CLSTN2: variants seen among roughly 807,000 people sequenced by gnomAD.
CLSTN2 encodes the protein calsyntenin 2, also known as calsyntenin-2.
CLSTN2 carries 48 observed loss-of-function variants against 101.2 expected under a neutral mutation model. The ratio of observed to expected loss-of-function variants is 0.47; its 90% CI spans 0.38 to 0.60. The LOEUF (loss-of-function observed/expected upper bound fraction) is 0.60, where lower values mean the gene tolerates loss of function less well. Ranked by LOEUF, CLSTN2 falls within the 20% of genes least tolerant of loss-of-function variation. The probability of loss-of-function intolerance (pLI) is 0.00; values close to 1 mark genes in which losing one functional copy is unlikely to be tolerated. For synonymous variants in CLSTN2, 481 were observed against 463.6 expected, an observed-to-expected ratio of 1.04 and a Z score of -0.48; for missense variants, 1,160 against 1,238.2, an observed-to-expected ratio of 0.94 and a Z score of 0.95.
chr3:140,182,089 A>G (rs1278272615), intron 2 of CLSTN2, among the ~76,000 whole-genome samples: 1 of 152,208 alleles, frequency 6.6e-6, no homozygotes, highest in Admixed American at 6.5e-5. Flanking sequence ...CATCTTCAAT[A>G]CCACTCAAAT....
intron 1 of CLSTN2, among the ~76,000 whole-genome samples, chr3:140,076,698 A>G (rs1270539706): frequency 8.4e-6 from 1 of 119,634 alleles, no homozygotes; most frequent in Non-Finnish European, 1.6e-5. Flanking sequence ...TTCCCTGGCC[A>G]CCCTGGGTCA....
chr3:140,056,540 T>C (rs2008099686), intron 1 of CLSTN2, among the ~76,000 whole-genome samples: 1 of 152,162 alleles, frequency 6.6e-6, no homozygotes. Context: ...GCCTGGCTTA[T>C]GGAACACGTG....
At chr3:140,324,688 T>G (rs2087314725) in intron 2 of CLSTN2, among the ~76,000 whole-genome samples, 1 of 152,246 alleles carries the variant, frequency 6.6e-6, no homozygotes, top group Admixed American at 6.5e-5. Context: ...GAGAATGCCC[T>G]CTTGACATGA....
chr3:140,289,499 C>T (rs2086929487), intron 2 of CLSTN2, among the ~76,000 whole-genome samples: 1 of 152,148 alleles, frequency 6.6e-6, no homozygotes, highest in Non-Finnish European at 1.5e-5. Flanking sequence ...AGAGTAGGAA[C>T]AGCACCATAG....
intron 1 of CLSTN2, among the ~76,000 whole-genome samples, chr3:139,976,097 A>T (rs1226943309): frequency 6.6e-6 from 1 of 152,218 alleles, no homozygotes; most frequent in East Asian, 1.9e-4. Context: ...GAACATTGAC[A>T]TTTCAGAATC....
intron 1 of CLSTN2, among the ~76,000 whole-genome samples, chr3:140,101,098 G>A (rs2008958359): frequency 6.6e-6 from 1 of 152,150 alleles, no homozygotes; most frequent in Non-Finnish European, 1.5e-5. Flanking sequence ...TTGGTTACAT[G>A]TCCTTTAACT....
intron 1 of CLSTN2, among the ~76,000 whole-genome samples, chr3:140,014,237 A>G (rs1196439616): frequency 3.3e-5 from 5 of 151,552 alleles, no homozygotes. Flanking sequence ...TTATCTATTT[A>G]TTTTTCAGAC....
At position 140,566,577 on chromosome 3, in the gene CLSTN2, C is replaced by T. The variant is rs561644449; in HGVS notation, c.*324C>T. The T allele has an allele frequency of 2.9e-6, 1 of 349,014 alleles. No homozygotes were observed. Among genetic ancestry groups the T allele is most frequent in the African/African-American group, 2.1e-5 (1 of 48,468 alleles). The allele number at this position is 349,014 out of a possible 1,614,324, so 21.6% of individuals were successfully genotyped here. A position where few individuals can be genotyped will look rare whatever the true frequency, so the allele number is the denominator to read the frequency against. Reference sequence around the variant, plus strand: ...TTTTTCCTGCAGGGAAGAAGGCCCACCTTTGTGTCACTCACCTCCCCAGGC... The same window carrying T: ...TTTTTCCTGCAGGGAAGAAGGCCCATCTTTGTGTCACTCACCTCCCCAGGC... On this transcript the variant is annotated 3_prime_UTR_variant, in exon 17 of 17. Coordinates refer to ENST00000458420, the MANE Select transcript of CLSTN2 (RefSeq NM_022131.3).
intron 1 of CLSTN2, among the ~76,000 whole-genome samples, chr3:140,017,955 G>A (rs769310724): frequency 1.3e-5 from 2 of 152,216 alleles, no homozygotes; most frequent in Non-Finnish European, 2.9e-5. Flanking sequence ...AACTCTGACA[G>A]TGGAGGAAGA....
chr3:140,509,471 C>T (rs532904847), intron 8 of CLSTN2, among the ~76,000 whole-genome samples: 1 of 152,204 alleles, frequency 6.6e-6, no homozygotes, highest in East Asian at 1.9e-4. Flanking sequence ...CTTTGAGAAC[C>T]ACTGTTCTGA....
At chr3:139,954,289 G>T (rs28698664) in intron 1 of CLSTN2, among the ~76,000 whole-genome samples, 10,044 of 152,240 alleles carry the variant, frequency 0.066, 387 homozygotes, top group Non-Finnish European at 0.089. Flanking sequence ...CAGCTGTGAG[G>T]TTTGTGGGGC....
intron 9 of CLSTN2, among the ~76,000 whole-genome samples, chr3:140,539,741 G>A (rs1228645898): frequency 1.3e-5 from 2 of 152,164 alleles, no homozygotes; most frequent in African/African-American, 2.4e-5. Context: ...ATAGGCATAA[G>A]TATGACCCCC....
At chr3:140,029,998 G>A (rs2007512875) in intron 1 of CLSTN2, among the ~76,000 whole-genome samples, 1 of 152,308 alleles carries the variant, frequency 6.6e-6, no homozygotes, top group South Asian at 2.1e-4. Flanking sequence ...GGTTTCAGCT[G>A]ATTCTCTTCG....
chr3:140,528,443 A>G (rs1229956738), intron 8 of CLSTN2, among the ~76,000 whole-genome samples: 1 of 152,214 alleles, frequency 6.6e-6, no homozygotes, highest in Non-Finnish European at 1.5e-5. Flanking sequence ...GGCACCTTGC[A>G]CAAATCTGTG....
At chr3:140,236,092 G>C (rs1177833481) in intron 2 of CLSTN2, among the ~76,000 whole-genome samples, 1 of 152,022 alleles carries the variant, frequency 6.6e-6, no homozygotes, top group Non-Finnish European at 1.5e-5. Context: ...TTTGGAATTG[G>C]TGATTTCTGT....
At chr3:140,181,210 C>A (rs921017922) in intron 2 of CLSTN2, among the ~76,000 whole-genome samples, 1 of 152,096 alleles carries the variant, frequency 6.6e-6, no homozygotes, top group Non-Finnish European at 1.5e-5. Flanking sequence ...ATCATAGTAC[C>A]CACTCCTGGT....
intron 2 of CLSTN2, among the ~76,000 whole-genome samples, chr3:140,221,302 ACG>A (rs1163808988): frequency 6.6e-6 from 1 of 152,222 alleles, no homozygotes; most frequent in Non-Finnish European, 1.5e-5. Context: ...CTTAATGTGA[ACG>A]TGTCTATGTT....
intron 8 of CLSTN2, among the ~76,000 whole-genome samples, chr3:140,525,657 A>G (rs1935121277): frequency 6.6e-6 from 1 of 152,170 alleles, no homozygotes. Flanking sequence ...TCCATGATGA[A>G]CATAGATGTA....
At chr3:139,967,627 T>C (rs1247810055) in intron 1 of CLSTN2, among the ~76,000 whole-genome samples, 1 of 152,248 alleles carries the variant, frequency 6.6e-6, no homozygotes, top group Non-Finnish European at 1.5e-5. Context: ...TTTCCAAGAC[T>C]ATGATACCTT....
Sources: gnomAD v4.1 joint callset for allele counts (sites outside exome capture counted in the v4.1 genomes callset) on GRCh38, gnomAD v4.1.1 for gene constraint, MANE v1.5 for transcripts, NCBI Gene and HGNC (gene_info 2026-07-23, HGNC 2026-07-21) for gene names.